Variants in CAST observed in about 807,000 individuals in gnomAD.
CAST encodes MIR583 host.
A neutral mutation model predicts 119.6 loss-of-function variants in CAST; 76 were observed. The ratio of observed to expected loss-of-function variants is 0.64; its 90% CI spans 0.53 to 0.77. CAST has a LOEUF of 0.77. CAST is among the 30% of genes least tolerant of loss of function. The pLI is 0.00. For missense variants in CAST, 953 were observed against 946.5 expected (o/e 1.01, Z -0.09); for synonymous variants, 319 against 331.6 (o/e 0.96, Z 0.41).
At chr5:96,288,042 T>C in the CAST span, among the ~76,000 whole-genome samples, 1 of 152,178 alleles carries the variant, frequency 6.6e-6, no homozygotes, top group African/African-American at 2.4e-5. Flanking sequence ...ATTTCACTTT[T>C]TAAAAAGCTG....
the CAST span, among the ~76,000 whole-genome samples, chr5:96,258,764 T>C: frequency 6.6e-6 from 1 of 152,164 alleles, no homozygotes; most frequent in South Asian, 2.1e-4. Context: ...GTTATACTGT[T>C]TCATAATGAA....
At chr5:96,252,364 C>T in the CAST span, among the ~76,000 whole-genome samples, 7 of 151,928 alleles carry the variant, frequency 4.6e-5, no homozygotes, top group South Asian at 2.1e-4. Flanking sequence ...CAGTTAGTAC[C>T]TACTATATGC....
the CAST span, among the ~76,000 whole-genome samples, chr5:96,515,713 G>T: frequency 6.6e-6 from 1 of 152,124 alleles, no homozygotes. Context: ...GTACCAGAGA[G>T]CAAGAGACAG....
the CAST span, chr5:96,394,949 T>G: frequency 6.2e-7 from 1 of 1,614,118 alleles, no homozygotes; most frequent in Admixed American, 1.7e-5. Flanking sequence ...CTGCTTCATA[T>G]GCTCTGGCTG....
At chr5:96,522,925 C>T (rs1475779369), upstream of CAST, among the ~76,000 whole-genome samples, 3 of 152,126 alleles carry the variant, frequency 2.0e-5, no homozygotes, top group Admixed American at 6.5e-5. Context: ...GTCACTGGGG[C>T]GAGTGGGGTG....
chr5:96,669,983 G>C lies in CAST; in HGVS notation c.76-5556G>C, dbSNP rs193076545. 3.7e-3 allele frequency among the ~76,000 whole-genome samples: 563 copies of C among 152,308 alleles called. 2 individuals are homozygous for C. The highest frequency in any genetic ancestry group is 2.7e-3 in the South Asian group (13 of 4,822). Reference sequence around the variant, plus strand: ...CACAAATGTTTCTAAAAGCTTCCCAGGTGCTTGTGACAGGCACTGAAGGAT... The same window carrying C: ...CACAAATGTTTCTAAAAGCTTCCCACGTGCTTGTGACAGGCACTGAAGGAT... On this transcript the variant is annotated intron_variant, in intron 1 of 31. Coordinates refer to ENST00000675179, the MANE Select transcript of CAST (RefSeq NM_001750.7).
the CAST span, among the ~76,000 whole-genome samples, chr5:96,504,853 T>C: frequency 6.6e-6 from 1 of 152,240 alleles, no homozygotes; most frequent in South Asian, 2.1e-4. Context: ...AGAAATTTCG[T>C]ATAAATGGAA....
chr5:96,419,641 C>G, the CAST span, among the ~76,000 whole-genome samples: 23 of 151,968 alleles, frequency 1.5e-4, no homozygotes, highest in East Asian at 3.9e-3. Flanking sequence ...GACATGCTCT[C>G]TCAATGCTGT....
chr5:96,385,960 CCT>C, the CAST span, among the ~76,000 whole-genome samples: 1 of 152,198 alleles, frequency 6.6e-6, no homozygotes, highest in Admixed American at 6.5e-5. Context: ...CAGCTCTACT[CCT>C]TGCTATCTGC....
the CAST span, among the ~76,000 whole-genome samples, chr5:95,999,736 G>A: frequency 6.6e-6 from 1 of 152,170 alleles, no homozygotes; most frequent in African/African-American, 2.4e-5. Context: ...TCTTTGTGCA[G>A]ATACATGTTT....
At chr5:96,685,391 A>T (rs1399088556) in intron 2 of CAST, among the ~76,000 whole-genome samples, 1 of 152,196 alleles carries the variant, frequency 6.6e-6, no homozygotes, top group Non-Finnish European at 1.5e-5. Flanking sequence ...CTGGTTCAAA[A>T]GGGACAATAA....
At chr5:96,523,231 C>T (rs1745545422), upstream of CAST, among the ~76,000 whole-genome samples, 1 of 152,212 alleles carries the variant, frequency 6.6e-6, no homozygotes, top group African/African-American at 2.4e-5. Context: ...CATGGCACTG[C>T]TGCTGACTGG....
chr5:96,361,743 C>A, the CAST span, among the ~76,000 whole-genome samples: 6 of 144,280 alleles, frequency 4.2e-5, no homozygotes, highest in Admixed American at 2.8e-4. Context: ...AGGTTGATCT[C>A]GGTGGGAGCT....
the CAST span, among the ~76,000 whole-genome samples, chr5:96,418,587 A>C: frequency 1.3e-5 from 2 of 152,218 alleles, no homozygotes; most frequent in Non-Finnish European, 2.9e-5. Flanking sequence ...GGTAATAAAG[A>C]ACAACAGCAA....
At chr5:96,495,548 G>C in the CAST span, among the ~76,000 whole-genome samples, 11 of 152,176 alleles carry the variant, frequency 7.2e-5, no homozygotes, top group Non-Finnish European at 1.5e-4. Context: ...TTAGTTTGCT[G>C]AGAATGATGG....
chr5:96,569,174 A>G (rs1304651038), intron 1 of CAST, among the ~76,000 whole-genome samples: 1 of 152,234 alleles, frequency 6.6e-6, no homozygotes, highest in Non-Finnish European at 1.5e-5. Flanking sequence ...TGAAGTAGAC[A>G]TTCAAAAAAC....
At chr5:96,501,808 A>G in the CAST span, among the ~76,000 whole-genome samples, 5 of 152,218 alleles carry the variant, frequency 3.3e-5, no homozygotes, top group African/African-American at 1.2e-4. Context: ...CGGTGATCCC[A>G]TAGGATTATG....
At chr5:96,728,671 G>T (rs2150435515) in intron 6 of CAST, 1 of 152,474 alleles carries the variant, frequency 6.6e-6, no homozygotes, top group South Asian at 2.1e-4. Context: ...TAGAGACGGG[G>T]TTTCACTGTG....
the CAST span, among the ~76,000 whole-genome samples, chr5:96,301,314 T>C: frequency 1.3e-5 from 2 of 152,146 alleles, no homozygotes; most frequent in Middle Eastern, 3.4e-3. Context: ...TCCTCCAACA[T>C]TGAGGATTAC....
Sources: allele counts gnomAD v4.1 joint callset (sites outside exome capture counted in the v4.1 genomes callset), GRCh38; gene constraint gnomAD v4.1.1; transcripts MANE v1.5; gene names NCBI Gene and HGNC (gene_info 2026-07-23, HGNC 2026-07-21).